Variants in SGCZ observed in about 807,000 individuals in gnomAD.
The protein encoded by SGCZ is zeta-sarcoglycan.
In SGCZ, 40 loss-of-function variants were observed where a neutral mutation model predicts 41.3. The observed-to-expected ratio is 0.97, with a 90% CI of 0.75 to 1.26. The LOEUF is 1.26. SGCZ is among the 50% of genes most tolerant of loss of function. SGCZ has a pLI of 0.00. For missense variants in SGCZ, 552 were observed against 369.8 expected (o/e 1.49, Z -4.04); for synonymous variants, 206 against 137.5 (o/e 1.50, Z -3.49).
chr8:14,453,867 C>G (rs1386098539), intron 2 of SGCZ, among the ~76,000 whole-genome samples: 1 of 152,128 alleles, frequency 6.6e-6, no homozygotes, highest in East Asian at 1.9e-4. Context: ...GCTTTAAATA[C>G]AGAACTGTCT....
intron 3 of SGCZ, among the ~76,000 whole-genome samples, chr8:14,292,808 A>G (rs376355541): frequency 6.0e-5 from 9 of 149,134 alleles, no homozygotes; most frequent in Admixed American, 2.0e-4. Context: ...GAATTACATG[A>G]AAAAGTAAAT....
chr8:14,688,654 C>T (rs1190881012), intron 1 of SGCZ, among the ~76,000 whole-genome samples: 1 of 152,052 alleles, frequency 6.6e-6, no homozygotes, highest in Non-Finnish European at 1.5e-5. Context: ...GTACTTTTGG[C>T]TTAGGATTGA....
intron 1 of SGCZ, among the ~76,000 whole-genome samples, chr8:14,949,432 G>A (rs759120779): frequency 6.6e-6 from 1 of 152,096 alleles, no homozygotes; most frequent in Non-Finnish European, 1.5e-5. Flanking sequence ...ATGGACAGGA[G>A]AAAAAGTTAC....
intron 2 of SGCZ, among the ~76,000 whole-genome samples, chr8:14,400,122 A>G (rs531080389): frequency 6.6e-6 from 1 of 152,184 alleles, no homozygotes; most frequent in Admixed American, 6.6e-5. Flanking sequence ...ACAACAGGTG[A>G]TCTTTTGTGA....
rs78935751 is a variant in SGCZ, at chr8:14,458,860, A to G, written c.234+95872T>C. On this transcript the variant is annotated intron_variant, in intron 2 of 7. Transcript: ENST00000382080. The stretch of plus-strand genomic sequence containing the variant: ...AACTCAAAACAAACAAACAAACAAC[A>G]CCATTAAACTAGAGCTTCTTGGAGA... Among the ~76,000 whole-genome samples the G allele has an allele frequency of 1.3e-3, 193 of 152,174 alleles. 3 individuals carry two copies. The East Asian group carries it at 0.035, about 28-fold the overall frequency.
At chr8:14,968,668 G>A (rs561685749) in intron 1 of SGCZ, among the ~76,000 whole-genome samples, 7 of 152,194 alleles carry the variant, frequency 4.6e-5, no homozygotes, top group African/African-American at 1.4e-4. Flanking sequence ...ATTGGTAAGA[G>A]GAGGAGGTTT....
chr8:14,391,475 T>C (rs1804769799), intron 2 of SGCZ, among the ~76,000 whole-genome samples: 1 of 152,128 alleles, frequency 6.6e-6, no homozygotes, highest in African/African-American at 2.4e-5. Flanking sequence ...AACCCAGATT[T>C]TGTATTCCGG....
chr8:14,772,176 G>C (rs1005420502), intron 1 of SGCZ, among the ~76,000 whole-genome samples: 1 of 152,128 alleles, frequency 6.6e-6, no homozygotes, highest in Non-Finnish European at 1.5e-5. Context: ...GTAGGCTAAT[G>C]TAAGTGTTCG....
At chr8:14,537,798 G>A (rs1214449474) in intron 2 of SGCZ, among the ~76,000 whole-genome samples, 4 of 151,928 alleles carry the variant, frequency 2.6e-5, no homozygotes, top group African/African-American at 9.7e-5. Context: ...GAACGCTAAA[G>A]AGCTGTTATA....
At chr8:14,831,625 G>C (rs199988812) in intron 1 of SGCZ, among the ~76,000 whole-genome samples, 1 of 135,106 alleles carries the variant, frequency 7.4e-6, no homozygotes, top group African/African-American at 2.9e-5. Flanking sequence ...TGTACACATA[G>C]ACACATATGT....
intron 5 of SGCZ, among the ~76,000 whole-genome samples, chr8:14,135,469 T>C (rs1420895068): frequency 1.3e-5 from 2 of 152,088 alleles, no homozygotes; most frequent in Non-Finnish European, 2.9e-5. Flanking sequence ...AACAGGGCTT[T>C]CTCCCAGATG....
At chr8:15,231,226 A>C (rs577347134) in intron 1 of SGCZ, among the ~76,000 whole-genome samples, 1 of 152,264 alleles carries the variant, frequency 6.6e-6, no homozygotes, top group South Asian at 2.1e-4. Context: ...TTCTGGCTGG[A>C]TGCTAAAATC....
chr8:14,428,123 CACACACACACAT>C (rs1448470756), intron 2 of SGCZ, among the ~76,000 whole-genome samples: 233 of 4,500 alleles, frequency 0.052, 1 homozygote, highest in African/African-American at 0.076. Context: ...CACACACACA[CACACACACACAT>C]ATATATATAT....
At chr8:14,560,252 T>G (rs936826555) in intron 1 of SGCZ, among the ~76,000 whole-genome samples, 1 of 152,072 alleles carries the variant, frequency 6.6e-6, no homozygotes, top group Non-Finnish European at 1.5e-5. Flanking sequence ...TTTGAGGTTA[T>G]GAATAACCTA....
At chr8:14,545,907 C>T (rs2117163886) in intron 2 of SGCZ, among the ~76,000 whole-genome samples, 1 of 152,254 alleles carries the variant, frequency 6.6e-6, no homozygotes, top group East Asian at 1.9e-4. Context: ...TTATCTTATG[C>T]CACAATTCTT....
intron 1 of SGCZ, among the ~76,000 whole-genome samples, chr8:14,865,241 G>A (rs1405344724): frequency 6.6e-6 from 1 of 151,908 alleles, no homozygotes; most frequent in Admixed American, 6.6e-5. Context: ...CTGCGTCCAG[G>A]TCTCTTCTGC....
intron 1 of SGCZ, among the ~76,000 whole-genome samples, chr8:14,626,056 T>C (rs952125803): frequency 9.2e-5 from 14 of 152,220 alleles, no homozygotes. Context: ...GCTTTTATCC[T>C]AAAATGCTGA....
intron 2 of SGCZ, among the ~76,000 whole-genome samples, chr8:14,377,333 C>A (rs1002855585): frequency 6.6e-6 from 1 of 151,912 alleles, no homozygotes; most frequent in African/African-American, 2.4e-5. Flanking sequence ...CAGAGGTACC[C>A]CTTGCCACAT....
chr8:14,300,329 G>C (rs10098497), intron 3 of SGCZ, among the ~76,000 whole-genome samples: 73,486 of 151,270 alleles, frequency 0.49, 18,967 homozygotes, highest in East Asian at 0.58. Flanking sequence ...AACAAAGAGA[G>C]AGACACGGAG....
Sources: gnomAD v4.1 joint callset for allele counts (sites outside exome capture counted in the v4.1 genomes callset) on GRCh38, gnomAD v4.1.1 for gene constraint, MANE v1.5 for transcripts, NCBI Gene and HGNC (gene_info 2026-07-23, HGNC 2026-07-21) for gene names.